The following PAFAH1B1 variants were observed in gnomAD, a reference collection of about 807,000 sequenced individuals.
PAFAH1B1 encodes platelet activating factor acetylhydrolase 1b regulatory subunit 1.
PAFAH1B1 carries 2 observed loss-of-function variants against 57.5 expected under a neutral mutation model. The observed-to-expected ratio is 0.03, with a 90% CI of 0.01 to 0.11. The LOEUF (loss-of-function observed/expected upper bound fraction) is 0.11. Among genes scored for constraint, PAFAH1B1 ranks in the 10% least tolerant of loss-of-function variants. The pLI is 1.00. For missense variants in PAFAH1B1, 257 were observed against 512.0 expected, an observed-to-expected ratio of 0.50 and a Z score of 4.81; for synonymous variants, 152 against 169.6, an observed-to-expected ratio of 0.90 and a Z score of 0.81.
chr17:2,664,720 ACATTTTTGGTCCCGAG>A (rs1489282843), intron 2 of PAFAH1B1, among the ~76,000 whole-genome samples: 1 of 146,932 alleles, frequency 6.8e-6, no homozygotes, highest in African/African-American at 2.5e-5. Flanking sequence ...AAAGCCCAAA[ACATTTTTGGTCCCGAG>A]CATTTTGTAT....
At chr17:2,678,114 G>A (rs144732126) in intron 9 of PAFAH1B1, among the ~76,000 whole-genome samples, 2,197 of 150,962 alleles carry the variant, frequency 0.015, 64 homozygotes, top group African/African-American at 0.052. Flanking sequence ...AAAATTAGCC[G>A]GGCGTGGCCA....
At chr17:2,613,269 C>A in intron 1 of PAFAH1B1, 2 of 196,146 alleles carry the variant, frequency 1.0e-5, no homozygotes, top group South Asian at 1.4e-4. Flanking sequence ...CCCACCCACC[C>A]CTGGCCACTT....
At chr17:2,656,333 C>T (rs115410594) in intron 2 of PAFAH1B1, among the ~76,000 whole-genome samples, 2,037 of 152,152 alleles carry the variant, frequency 0.013, 41 homozygotes, top group African/African-American at 0.047. Context: ...GCCTGTAGTT[C>T]CAGCTACTCA....
At chr17:2,606,880 A>G (rs2068211401) in intron 1 of PAFAH1B1, among the ~76,000 whole-genome samples, 1 of 131,946 alleles carries the variant, frequency 7.6e-6, no homozygotes, top group Non-Finnish European at 1.5e-5. Flanking sequence ...GCTGGAGTGC[A>G]GTGGCGCAAT....
At chr17:2,632,874 G>T (rs985106105) in intron 1 of PAFAH1B1, among the ~76,000 whole-genome samples, 1 of 152,114 alleles carries the variant, frequency 6.6e-6, no homozygotes, top group African/African-American at 2.4e-5. Flanking sequence ...TTGCCCCATG[G>T]ATACTGAGGT....
intron 1 of PAFAH1B1, among the ~76,000 whole-genome samples, chr17:2,595,964 T>C (rs2068080538): frequency 6.6e-6 from 1 of 152,226 alleles, no homozygotes. Context: ...TGTGAAATGC[T>C]GTATTGCCCT....
intron 1 of PAFAH1B1, among the ~76,000 whole-genome samples, chr17:2,634,075 A>T (rs2068591296): frequency 1.3e-5 from 2 of 150,622 alleles, no homozygotes; most frequent in South Asian, 4.2e-4. Context: ...CGTAAAATGG[A>T]GTTAATCATA....
intron 8 of PAFAH1B1, among the ~76,000 whole-genome samples, chr17:2,675,331 A>G (rs1235413625): frequency 1.3e-5 from 2 of 152,154 alleles, no homozygotes; most frequent in Admixed American, 6.5e-5. Context: ...AGGCATTCCT[A>G]TCATGTATTT....
In PAFAH1B1 at chr17:2,681,985, C is replaced by T. The variant is rs1330789044; in HGVS notation, c.*183C>T. ...ATGCATGGTGAATCCAAATTGTATA[C>T]TGTAAATTTACATACGTTGTCTAGA... On this transcript the variant is annotated 3_prime_UTR_variant, in exon 11 of 11. Coordinates refer to ENST00000397195, the MANE Select transcript of PAFAH1B1 (RefSeq NM_000430.4). 3.5e-6 allele frequency: 2 copies of T among 573,044 alleles called. No homozygotes were observed. Among genetic ancestry groups the T allele is most frequent in the Admixed American group, 3.2e-5 (1 of 31,150 alleles). 35.5% of individuals were successfully genotyped at this position (573,044 alleles called of 1,614,324 possible). A position where few individuals can be genotyped will look rare whatever the true frequency, so the allele number is the denominator to read the frequency against.
chr17:2,676,361 G>A (rs1415787363), intron 8 of PAFAH1B1, 144 bp from the exon 9 acceptor site: 1 of 640,568 alleles, frequency 1.6e-6, no homozygotes, highest in East Asian at 2.9e-5. Flanking sequence ...CTGGGTGACA[G>A]AGCCAGACTC....
chr17:2,657,614 C>T (rs1325379811), intron 2 of PAFAH1B1, among the ~76,000 whole-genome samples: 2 of 152,202 alleles, frequency 1.3e-5, no homozygotes, highest in Admixed American at 1.3e-4. Flanking sequence ...TTCTGATTCA[C>T]TTGGTCCAGC....
At chr17:2,671,740 A>G (rs1016328956) in intron 6 of PAFAH1B1, among the ~76,000 whole-genome samples, 1 of 151,200 alleles carries the variant, frequency 6.6e-6, no homozygotes, top group Non-Finnish European at 1.5e-5. Flanking sequence ...GTAGCTGGCA[A>G]TACAGGCAAG....
At chr17:2,666,350 A>G (rs2069106735) in intron 4 of PAFAH1B1, among the ~76,000 whole-genome samples, 1 of 152,198 alleles carries the variant, frequency 6.6e-6, no homozygotes, top group South Asian at 2.1e-4. Context: ...TCATTTGTGC[A>G]CTTAGAAGGA....
At chr17:2,663,940 A>G (rs1035786640) in intron 2 of PAFAH1B1, among the ~76,000 whole-genome samples, 1 of 151,426 alleles carries the variant, frequency 6.6e-6, no homozygotes, top group African/African-American at 2.4e-5. Context: ...TGATGCGCCC[A>G]CCTCGGGCTC....
chr17:2,594,594 C>T (rs538512078), intron 1 of PAFAH1B1, among the ~76,000 whole-genome samples: 2 of 152,340 alleles, frequency 1.3e-5, no homozygotes, highest in East Asian at 1.9e-4. Flanking sequence ...GGGTGGCCCA[C>T]CGTCTCCCTG....
intron 1 of PAFAH1B1, among the ~76,000 whole-genome samples, chr17:2,634,584 A>G (rs968823428): frequency 1.3e-5 from 2 of 152,058 alleles, no homozygotes; most frequent in Non-Finnish European, 2.9e-5. Context: ...CTGTTGTCCT[A>G]ATGTAGACCT....
intron 1 of PAFAH1B1, among the ~76,000 whole-genome samples, chr17:2,626,032 C>T (rs1408520722): frequency 6.6e-6 from 1 of 152,078 alleles, no homozygotes; most frequent in African/African-American, 2.4e-5. Context: ...AGGTGGATCA[C>T]TTGAGGTCAG....
At chr17:2,640,177 A>G (rs1359966929) in intron 2 of PAFAH1B1, 1 of 152,124 alleles carries the variant, frequency 6.6e-6, no homozygotes, top group African/African-American at 2.4e-5. Context: ...CAAAATAAGG[A>G]TATTCTATAA....
chr17:2,633,115 C>A (rs1375361690), intron 1 of PAFAH1B1, among the ~76,000 whole-genome samples: 1 of 151,736 alleles, frequency 6.6e-6, no homozygotes, highest in Middle Eastern at 3.4e-3. Flanking sequence ...CTTCATTTCT[C>A]CTGTGGTCTT....
Sources: gnomAD v4.1 joint callset for allele counts (sites outside exome capture counted in the v4.1 genomes callset) on GRCh38, gnomAD v4.1.1 for gene constraint, MANE v1.5 for transcripts, NCBI Gene and HGNC (gene_info 2026-07-23, HGNC 2026-07-21) for gene names.